GLI2: variants seen among roughly 807,000 people sequenced by gnomAD.
GLI2 encodes transcription activator GLI2.
GLI2 carries 22 observed loss-of-function variants against 78.9 expected under a neutral mutation model. That is an observed-to-expected ratio of 0.28 (90% confidence interval 0.20 to 0.40). The LOEUF (loss-of-function observed/expected upper bound fraction) is 0.40. Among genes scored for constraint, GLI2 ranks in the 10% least tolerant of loss-of-function variants. GLI2 has a pLI of 1.00. For missense variants in GLI2, 2,097 were observed against 2,213.2 expected (o/e 0.95, Z 1.05); for synonymous variants, 974 against 963.7 (o/e 1.01, Z -0.20).
chr2:120,895,528 C>T (rs546798215), intron 2 of GLI2, among the ~76,000 whole-genome samples: 7 of 152,042 alleles, frequency 4.6e-5, no homozygotes, highest in East Asian at 1.9e-4. Flanking sequence ...CATGGTGAAA[C>T]GCCATGTCTA....
In GLI2 at chr2:120,984,646, C is replaced by G; in HGVS notation, c.1808C>G (p.Thr603Arg). The G allele has an allele frequency of 6.2e-7, 1 of 1,614,054 alleles. No individual in the cohort carries two copies. Reference sequence around the variant, plus strand: ...GAGAATGGGGACAGTGAGGCCGGCACGGAGCCTGGCGGCCCAGAGAGCACC... The same window carrying G: ...GAGAATGGGGACAGTGAGGCCGGCAGGGAGCCTGGCGGCCCAGAGAGCACC... ...LKENGDSEAG[T>R]EPGGPESTEA... Residue 603 changes from threonine to arginine, a missense_variant, in exon 12 of 14, where the codon ACG (threonine) becomes AGG (arginine). Coordinates refer to ENST00000361492, the MANE Select transcript of GLI2 (RefSeq NM_001374353.1).
At chr2:120,847,596 AGAACTTGGATTGGGGGGTTGGT>A (rs1210940416) in intron 2 of GLI2, among the ~76,000 whole-genome samples, 2 of 149,654 alleles carry the variant, frequency 1.3e-5, no homozygotes, top group East Asian at 2.0e-4. Context: ...GCCACCGCCT[AGAACTTGGATTGGGGGGTTGGT>A]GAACTTGGAT....
At chr2:120,887,467 A>G (rs900110096) in intron 2 of GLI2, among the ~76,000 whole-genome samples, 1 of 152,266 alleles carries the variant, frequency 6.6e-6, no homozygotes, top group Non-Finnish European at 1.5e-5. Flanking sequence ...AGAGCTATGT[A>G]TAGCCCACTC....
intron 1 of GLI2, among the ~76,000 whole-genome samples, chr2:120,775,951 G>T (rs972244046): frequency 3.3e-5 from 5 of 152,244 alleles, no homozygotes; most frequent in Admixed American, 3.3e-4. Flanking sequence ...TGGACCCCAG[G>T]CCTCCTCTAA....
At chr2:120,925,029 G>A (rs747005898) in intron 2 of GLI2, among the ~76,000 whole-genome samples, 1 of 152,252 alleles carries the variant, frequency 6.6e-6, no homozygotes, top group Non-Finnish European at 1.5e-5. Flanking sequence ...CAGCAGGTGA[G>A]TGAGCTCTGA....
chr2:120,890,309 G>A (rs1341775792), intron 2 of GLI2, among the ~76,000 whole-genome samples: 1 of 152,196 alleles, frequency 6.6e-6, no homozygotes, highest in Non-Finnish European at 1.5e-5. Flanking sequence ...TTTAATGACA[G>A]TAGGGGTGAG....
At chr2:120,781,560 T>C (rs1683850005) in intron 1 of GLI2, among the ~76,000 whole-genome samples, 1 of 152,222 alleles carries the variant, frequency 6.6e-6, no homozygotes, top group Non-Finnish European at 1.5e-5. Flanking sequence ...AGCATTTTAA[T>C]GGAAAAAGCA....
At chr2:120,953,823 C>T (rs1205601781) in intron 4 of GLI2, among the ~76,000 whole-genome samples, 1 of 152,108 alleles carries the variant, frequency 6.6e-6, no homozygotes, top group Non-Finnish European at 1.5e-5. Flanking sequence ...TGCACTTCAG[C>T]CTGGGCAACA....
chr2:120,893,956 T>C (rs1188367935), intron 2 of GLI2, among the ~76,000 whole-genome samples: 1 of 152,128 alleles, frequency 6.6e-6, no homozygotes, highest in East Asian at 1.9e-4. Context: ...AGCAGCGTGA[T>C]TTAAGGGGGA....
intron 2 of GLI2, among the ~76,000 whole-genome samples, chr2:120,888,172 C>T (rs766946694): frequency 3.3e-5 from 5 of 152,170 alleles, no homozygotes; most frequent in Admixed American, 1.3e-4. Flanking sequence ...AGAAGGGAGT[C>T]GGGGAGGGGT....
At chr2:120,776,894 G>T (rs138466676) in intron 1 of GLI2, among the ~76,000 whole-genome samples, 2 of 152,126 alleles carry the variant, frequency 1.3e-5, no homozygotes, top group African/African-American at 4.8e-5. Context: ...AAGGGTCTGC[G>T]TGGGGAGCTG....
chr2:120,992,119 CTG>C lies in GLI2; in HGVS notation c.*1447_*1448del, dbSNP rs775337877. On this transcript the variant is annotated 3_prime_UTR_variant, in exon 14 of 14. Coordinates refer to ENST00000361492, the MANE Select transcript of GLI2 (RefSeq NM_001374353.1). ...AGCACCACTCAGAGTGTGACTCTGACTGTGACCTTGGCCTTAATGAGGAACTT... is the reference window on the plus strand; with the variant it reads ...AGCACCACTCAGAGTGTGACTCTGACTGACCTTGGCCTTAATGAGGAACTT... 6.6e-6 allele frequency: 1 copy of C among 152,498 alleles called. No individual in the cohort carries two copies. The highest frequency in any genetic ancestry group is 6.5e-5 in the Admixed American group (1 of 15,272). 9.4% of individuals were successfully genotyped at this position (152,498 alleles called of 1,614,324 possible). A position where few individuals can be genotyped will look rare whatever the true frequency, so the allele number is the denominator to read the frequency against.
rs150277143 is a variant in GLI2 at position 120,956,111 on chromosome 2, T to C, written c.643+681T>C. 7.2e-3 allele frequency among the ~76,000 whole-genome samples: 1,102 copies of C among 152,076 alleles called. 15 individuals carry two copies. Among genetic ancestry groups the C allele is most frequent in the African/African-American group, 0.026 (1,058 of 41,474 alleles). On this transcript the variant is annotated intron_variant, in intron 5 of 13. Transcript: ENST00000361492. ...CTTCCGTGCTGATGTGAGAATTGAT[T>C]TGGGGGCAAGACGGAGGCAGGAGGT...
At chr2:120,899,428 CAT>C (rs939279101) in intron 2 of GLI2, among the ~76,000 whole-genome samples, 6 of 118,608 alleles carry the variant, frequency 5.1e-5, no homozygotes, top group Non-Finnish European at 8.3e-5. Context: ...CACACACACA[CAT>C]ACACACATGC....
chr2:120,980,410 G>A (rs1304907318), intron 10 of GLI2, among the ~76,000 whole-genome samples: 2 of 152,162 alleles, frequency 1.3e-5, no homozygotes, highest in Non-Finnish European at 2.9e-5. Flanking sequence ...CATCTTTTCA[G>A]GTGCTTATTG....
In GLI2 at chr2:120,879,071, G is replaced by A. The variant is rs190134918; in HGVS notation, c.149-48290G>A. Among the ~76,000 whole-genome samples, 110 of 152,302 alleles carry A rather than the reference G, an allele frequency of 7.2e-4. 1 individual carries two copies. Among genetic ancestry groups the A allele is most frequent in the African/African-American group, 1.9e-3 (79 of 41,562 alleles). ...GTCTCCTCCGGCATTGCCCCGTGGG[G>A]TTTGGAATGGCGCTGGCTGCTGGCT... On this transcript the variant is annotated intron_variant, in intron 2 of 13. Coordinates refer to ENST00000361492, the MANE Select transcript of GLI2 (RefSeq NM_001374353.1).
intron 1 of GLI2, among the ~76,000 whole-genome samples, chr2:120,770,633 G>C (rs749305504): frequency 6.6e-6 from 1 of 152,182 alleles, no homozygotes; most frequent in Non-Finnish European, 1.5e-5. Context: ...TTTCTGGCTT[G>C]CCTCTCTCGT....
chr2:120,848,556 C>A (rs1573474638), intron 2 of GLI2, among the ~76,000 whole-genome samples: 1 of 152,324 alleles, frequency 6.6e-6, no homozygotes, highest in East Asian at 1.9e-4. Flanking sequence ...TTCTTGGCAA[C>A]TTTTGCAGAA....
chr2:120,862,729 C>G (rs1687959015), intron 2 of GLI2, among the ~76,000 whole-genome samples: 1 of 152,184 alleles, frequency 6.6e-6, no homozygotes, highest in Non-Finnish European at 1.5e-5. Context: ...AGGGCAGGCA[C>G]TCCGAGGTTC....
Sources: allele counts gnomAD v4.1 joint callset (sites outside exome capture counted in the v4.1 genomes callset), GRCh38; gene constraint gnomAD v4.1.1; transcripts MANE v1.5; gene names NCBI Gene and HGNC (gene_info 2026-07-23, HGNC 2026-07-21).